ZHX2: variants seen among roughly 807,000 people sequenced by gnomAD.
The protein encoded by ZHX2 is zinc fingers and homeoboxes 2, also known as zinc fingers and homeoboxes protein 2.
ZHX2 carries 6 observed loss-of-function variants against 21.9 expected under a neutral mutation model. The ratio of observed to expected loss-of-function variants is 0.27; its 90% CI spans 0.15 to 0.54. The LOEUF is 0.54. Ranked by LOEUF, ZHX2 falls within the 20% of genes least tolerant of loss-of-function variation. ZHX2 has a pLI of 0.95. For missense variants in ZHX2, 908 were observed against 1,090.7 expected (o/e 0.83, Z 2.36); for synonymous variants, 434 against 437.1 (o/e 0.99, Z 0.09).
At chr8:122,837,316 C>G (rs779390006) in intron 1 of ZHX2, among the ~76,000 whole-genome samples, 3 of 152,140 alleles carry the variant, frequency 2.0e-5, no homozygotes, top group Non-Finnish European at 4.4e-5. Context: ...GATCTGGACC[C>G]CTTTCCAGTA....
rs541691399 is a variant in ZHX2, at chr8:122,939,878, G to A, written c.-219-11414G>A. 1.9e-4 allele frequency among the ~76,000 whole-genome samples: 29 copies of A among 152,278 alleles called. No homozygotes were observed. In the South Asian group the frequency reaches 4.4e-3, roughly 23 times the overall value. On this transcript the variant is annotated intron_variant, in intron 2 of 3. Coordinates refer to ENST00000314393, the MANE Select transcript of ZHX2 (RefSeq NM_014943.5). The stretch of plus-strand genomic sequence containing the variant: ...GAAAACGGGGTCTGATGGGGAGGAG[G>A]GGTGGAGCAGTCCTTCTGAACATCA...
At chr8:122,911,610 G>T (rs925589606) in intron 2 of ZHX2, among the ~76,000 whole-genome samples, 5 of 152,166 alleles carry the variant, frequency 3.3e-5, no homozygotes, top group Admixed American at 2.0e-4. Context: ...TTTATTGAGG[G>T]TCTCCTCTGT....
chr8:122,944,579 CT>C (rs1267779941), intron 2 of ZHX2, among the ~76,000 whole-genome samples: 1 of 152,192 alleles, frequency 6.6e-6, no homozygotes, highest in East Asian at 1.9e-4. Context: ...CCGCTCTACA[CT>C]TTTAATGTGT....
intron 2 of ZHX2, among the ~76,000 whole-genome samples, chr8:122,946,361 C>T (rs943293449): frequency 6.6e-6 from 1 of 152,112 alleles, no homozygotes; most frequent in African/African-American, 2.4e-5. Context: ...CCAAGAGAAC[C>T]CTAATAGATT....
At chr8:122,901,850 G>T (rs1586373500) in intron 2 of ZHX2, among the ~76,000 whole-genome samples, 1 of 152,158 alleles carries the variant, frequency 6.6e-6, no homozygotes, top group Middle Eastern at 3.4e-3. Context: ...TCCCTTGTAA[G>T]GGGGAAAAAA....
At chr8:122,829,829 A>T (rs920054275) in intron 1 of ZHX2, among the ~76,000 whole-genome samples, 11 of 152,246 alleles carry the variant, frequency 7.2e-5, no homozygotes, top group Non-Finnish European at 1.2e-4. Flanking sequence ...AGAGACATTT[A>T]CAAGTAGCAA....
chr8:122,830,174 G>A (rs770523243), intron 1 of ZHX2, among the ~76,000 whole-genome samples: 6 of 152,200 alleles, frequency 3.9e-5, no homozygotes, highest in Non-Finnish European at 8.8e-5. Context: ...CTAAAATGGC[G>A]TCAGCACCAA....
intron 2 of ZHX2, among the ~76,000 whole-genome samples, chr8:122,923,365 CA>C (rs1217076262): frequency 1.3e-5 from 2 of 152,198 alleles, no homozygotes; most frequent in Non-Finnish European, 2.9e-5. Flanking sequence ...AGCTTCCTCA[CA>C]GCATGGTGGC....
chr8:122,955,069 C>CGGGGGGGGGGGGGGGG (rs35647179), intron 3 of ZHX2, among the ~76,000 whole-genome samples: 1 of 20,694 alleles, frequency 4.8e-5, no homozygotes, highest in African/African-American at 1.4e-4. Context: ...TCACATAAGC[C>CGGGGGGGGGGGGGGGG]GGGGGGGGGG....
chr8:122,870,721 C>A (rs1819412726), intron 2 of ZHX2, among the ~76,000 whole-genome samples: 1 of 148,030 alleles, frequency 6.8e-6, no homozygotes, highest in South Asian at 2.1e-4. Flanking sequence ...TAGGAGAAGT[C>A]AAAGACAAGG....
intron 1 of ZHX2, among the ~76,000 whole-genome samples, chr8:122,850,504 G>A (rs1434033615): frequency 6.6e-6 from 1 of 152,086 alleles, no homozygotes; most frequent in Non-Finnish European, 1.5e-5. Context: ...GCCAGGCATG[G>A]TGGTGCACAC....
chr8:122,970,453 C>T (rs553126494), intron 3 of ZHX2, among the ~76,000 whole-genome samples: 4 of 152,234 alleles, frequency 2.6e-5, no homozygotes, highest in East Asian at 1.9e-4. Context: ...GCCAGCAGCC[C>T]GTGGGCTCTG....
At chr8:122,813,389 G>A (rs1194808849) in intron 1 of ZHX2, among the ~76,000 whole-genome samples, 3 of 152,066 alleles carry the variant, frequency 2.0e-5, no homozygotes, top group Non-Finnish European at 4.4e-5. Flanking sequence ...CCTATGTTGT[G>A]ACCTGAAAGA....
intron 1 of ZHX2, among the ~76,000 whole-genome samples, chr8:122,792,604 A>G (rs1336493893): frequency 6.6e-6 from 1 of 152,048 alleles, no homozygotes; most frequent in Non-Finnish European, 1.5e-5. Flanking sequence ...AGTATGAGAG[A>G]GTTCTGATTT....
chr8:122,872,621 G>A (rs1819467471), intron 2 of ZHX2, among the ~76,000 whole-genome samples: 1 of 152,104 alleles, frequency 6.6e-6, no homozygotes, highest in South Asian at 2.1e-4. Context: ...AAAGTTTCTT[G>A]GCCAAGGAAA....
At chr8:122,913,976 A>G (rs893974651) in intron 2 of ZHX2, among the ~76,000 whole-genome samples, 1 of 152,124 alleles carries the variant, frequency 6.6e-6, no homozygotes, top group Admixed American at 6.5e-5. Flanking sequence ...CTCCACCCCC[A>G]TAGACTCTAT....
intron 2 of ZHX2, among the ~76,000 whole-genome samples, chr8:122,941,477 T>G (rs922202458): frequency 6.6e-6 from 1 of 152,236 alleles, no homozygotes; most frequent in Admixed American, 6.5e-5. Flanking sequence ...AGATGTTTTA[T>G]GCTATGTTAT....
chr8:122,908,610 C>G (rs1236144477), intron 2 of ZHX2, among the ~76,000 whole-genome samples: 1 of 152,072 alleles, frequency 6.6e-6, no homozygotes, highest in Non-Finnish European at 1.5e-5. Context: ...CATAGAAAAC[C>G]CTTGTTATCA....
chr8:122,840,403 G>A (rs1250804431), intron 1 of ZHX2, among the ~76,000 whole-genome samples: 1 of 152,168 alleles, frequency 6.6e-6, no homozygotes, highest in African/African-American at 2.4e-5. Flanking sequence ...CTGATCCCAG[G>A]TTTAACTTCT....
Sources: gnomAD v4.1 joint callset for allele counts (sites outside exome capture counted in the v4.1 genomes callset) on GRCh38, gnomAD v4.1.1 for gene constraint, MANE v1.5 for transcripts, NCBI Gene and HGNC (gene_info 2026-07-23, HGNC 2026-07-21) for gene names.